The following LEPR variants were observed in gnomAD, a reference collection of about 807,000 sequenced individuals.
The protein encoded by LEPR is OB receptor.
A neutral mutation model predicts 114.7 loss-of-function variants in LEPR; 56 were observed. The observed-to-expected ratio is 0.49, with a 90% confidence interval of 0.39 to 0.61. The LOEUF (loss-of-function observed/expected upper bound fraction) is 0.61, where lower values mean the gene tolerates loss of function less well. Among genes scored for constraint, LEPR ranks in the 20% least tolerant of loss-of-function variants. The pLI is 0.00. For synonymous variants in LEPR, 443 were observed against 461.4 expected (o/e 0.96, Z 0.51); for missense variants, 1,202 against 1,352.9 (o/e 0.89, Z 1.75).
chr1:65,455,991 A>AT (rs200884161), intron 2 of LEPR, among the ~76,000 whole-genome samples: 1,576 of 152,202 alleles, frequency 0.01, 9 homozygotes, highest in Admixed American at 0.017. Flanking sequence ...CTGGTGCGCC[A>AT]TTTTTTAAGC....
chr1:65,427,027 G>T, intron 2 of LEPR, among the ~76,000 whole-genome samples: 1 of 151,760 alleles, frequency 6.6e-6, no homozygotes, highest in East Asian at 1.9e-4. Flanking sequence ...TGATGATGTG[G>T]TTAAGACCTA....
At chr1:65,620,429 G>A (rs1231427639) in intron 17 of LEPR, among the ~76,000 whole-genome samples, 3 of 152,128 alleles carry the variant, frequency 2.0e-5, no homozygotes, top group African/African-American at 7.2e-5. Flanking sequence ...ATTGTTCTAA[G>A]CACTGTGGAT....
intron 2 of LEPR, among the ~76,000 whole-genome samples, chr1:65,463,651 A>G (rs913382347): frequency 1.3e-5 from 2 of 152,166 alleles, no homozygotes; most frequent in East Asian, 1.9e-4. Context: ...CTTCCTTTCC[A>G]TGAACATGGA....
chr1:65,640,523 T>A lies in LEPR; in HGVS notation c.*3508T>A, dbSNP rs956442887. On this transcript the variant is annotated 3_prime_UTR_variant, in exon 20 of 20. Transcript: ENST00000349533. ...CATTCAAGAAAAAATTTAAACATAG[T>A]TACCAAGAAATGTGAAGAAGTATTT... 1 of 152,164 alleles carries A rather than the reference T, an allele frequency of 6.6e-6. No homozygotes were observed. Among genetic ancestry groups the A allele is most frequent in the African/African-American group, 2.4e-5 (1 of 41,434 alleles). The allele number at this position is 152,164 out of a possible 1,614,324, so 9.4% of individuals were successfully genotyped here.
intron 2 of LEPR, among the ~76,000 whole-genome samples, chr1:65,520,511 T>C (rs1230167418): frequency 6.6e-6 from 1 of 152,182 alleles, no homozygotes; most frequent in African/African-American, 2.4e-5. Context: ...TCCCTGAAAA[T>C]GTCAAATCCT....
intron 2 of LEPR, among the ~76,000 whole-genome samples, chr1:65,444,206 T>A (rs1424790057): frequency 3.4e-5 from 1 of 29,790 alleles, no homozygotes; most frequent in Non-Finnish European, 1.0e-4. Flanking sequence ...GAATATGCGG[T>A]GTTAAGACCT....
At chr1:65,600,270 G>A (rs1435039189) in intron 8 of LEPR, among the ~76,000 whole-genome samples, 5 of 152,010 alleles carry the variant, frequency 3.3e-5, no homozygotes, top group East Asian at 1.9e-4. Flanking sequence ...GTGCCACCTC[G>A]GCTAGGATTA....
chr1:65,465,168 A>C (rs1006513245), intron 2 of LEPR, among the ~76,000 whole-genome samples: 4 of 152,198 alleles, frequency 2.6e-5, no homozygotes, highest in African/African-American at 9.6e-5. Context: ...AGTTAGTGCT[A>C]TAAATTTCCC....
rs143936245 is a variant in LEPR, at chr1:65,608,737, T to C, written c.1604-16T>C. 3.6e-4 allele frequency: 583 copies of C among 1,611,128 alleles called. 1 individual carries two copies. The African/African-American group carries it at 6.9e-3, about 19-fold the overall frequency. On this transcript the variant is annotated splice_polypyrimidine_tract_variant and intron_variant, in intron 11 of 19. Transcript: ENST00000349533. ...TTTAAATTACCATCACTTAATACTATTGTAAAAATTTCTAGTGAAGCCACT... is the reference window on the plus strand; with the variant it reads ...TTTAAATTACCATCACTTAATACTACTGTAAAAATTTCTAGTGAAGCCACT...
At chr1:65,431,824 C>G (rs1311305122) in intron 2 of LEPR, 2 of 1,613,652 alleles carry the variant, frequency 1.2e-6, no homozygotes, top group African/African-American at 2.7e-5. Flanking sequence ...AGCCTGCGGC[C>G]TTGTGTTGGC....
At chr1:65,465,067 C>A (rs1488131606) in intron 2 of LEPR, among the ~76,000 whole-genome samples, 12 of 152,152 alleles carry the variant, frequency 7.9e-5, no homozygotes, top group Non-Finnish European at 1.5e-4. Flanking sequence ...CTTCTGCTAG[C>A]TTTTGAATAT....
intron 2 of LEPR, among the ~76,000 whole-genome samples, chr1:65,564,834 C>T (rs1653610587): frequency 6.6e-6 from 1 of 152,138 alleles, no homozygotes; most frequent in Non-Finnish European, 1.5e-5. Context: ...GTCCAAGCCA[C>T]ATATATTAAA....
intron 2 of LEPR, among the ~76,000 whole-genome samples, chr1:65,529,239 G>A (rs1042751179): frequency 1.3e-5 from 2 of 151,904 alleles, no homozygotes; most frequent in African/African-American, 4.8e-5. Context: ...GAGTTATCTC[G>A]GCTGGGCATG....
intron 2 of LEPR, among the ~76,000 whole-genome samples, chr1:65,526,706 ACCTCAGTGGG>A (rs1177819050): frequency 6.6e-6 from 1 of 152,106 alleles, no homozygotes; most frequent in East Asian, 1.9e-4. Flanking sequence ...GGTTCGTTTA[ACCTCAGTGGG>A]CCTCAGTTTC....
intron 2 of LEPR, chr1:65,431,933 TTACA>T: frequency 1.9e-6 from 3 of 1,609,134 alleles, no homozygotes; most frequent in Non-Finnish European, 2.5e-6. Context: ...TTTATTCTGA[TTACA>T]GTGCATTGAA....
intron 2 of LEPR, chr1:65,433,406 T>C (rs944842878): frequency 1.8e-5 from 18 of 985,348 alleles, no homozygotes; most frequent in Non-Finnish European, 2.0e-5. Context: ...TTTTCCCTGC[T>C]CACCTTTTTG....
chr1:65,462,158 C>A (rs1428232751), intron 2 of LEPR, among the ~76,000 whole-genome samples: 1 of 152,168 alleles, frequency 6.6e-6, no homozygotes, highest in Non-Finnish European at 1.5e-5. Context: ...CCCATCCCCC[C>A]ACCCGCCAAC....
intron 5 of LEPR, among the ~76,000 whole-genome samples, chr1:65,579,957 GT>G (rs1427833353): frequency 6.6e-6 from 1 of 152,094 alleles, no homozygotes; most frequent in Admixed American, 6.6e-5. Context: ...AGAAAATTAG[GT>G]AAATTAGGTA....
chr1:65,466,493 A>G (rs893832638), intron 2 of LEPR, among the ~76,000 whole-genome samples: 6 of 152,078 alleles, frequency 3.9e-5, no homozygotes, highest in African/African-American at 1.2e-4. Context: ...GAATCTGACA[A>G]TTAATGTGTC....
Sources: allele counts gnomAD v4.1 joint callset (sites outside exome capture counted in the v4.1 genomes callset), GRCh38; gene constraint gnomAD v4.1.1; transcripts MANE v1.5; gene names NCBI Gene and HGNC (gene_info 2026-07-23, HGNC 2026-07-21).